ENO4: variants seen among roughly 807,000 people sequenced by gnomAD.
ENO4 encodes 2-phospho-D-glycerate hydro-lyase.
A neutral mutation model predicts 63.2 loss-of-function variants in ENO4; 53 were observed. The ratio of observed to expected loss-of-function variants is 0.84; its 90% CI spans 0.67 to 1.05. The LOEUF is 1.05. Ranked by LOEUF, ENO4 falls within the 50% of genes least tolerant of loss-of-function variation. The pLI is 0.00. For synonymous variants in ENO4, 266 were observed against 283.8 expected (o/e 0.94, Z 0.63); for missense variants, 719 against 772.0 (o/e 0.93, Z 0.81).
chr10:116,856,848 G>T (rs1219024777), intron 3 of ENO4, among the ~76,000 whole-genome samples, 166 bp downstream of exon 3: 1 of 152,140 alleles, frequency 6.6e-6, no homozygotes, highest in African/African-American at 2.4e-5. Context: ...AATTAGCCGG[G>T]CATGGTGGTG....
At chr10:116,895,554 A>C (rs1433797193) in intron 10 of ENO4, among the ~76,000 whole-genome samples, 2 of 152,206 alleles carry the variant, frequency 1.3e-5, no homozygotes, top group African/African-American at 4.8e-5. Context: ...GAATGAGAAA[A>C]GGAAGACATG....
At chr10:116,855,542 A>G (rs1846237441) in intron 1 of ENO4, 81 bp from the exon 2 acceptor site, 1 of 1,496,772 alleles carries the variant, frequency 6.7e-7, no homozygotes, top group Admixed American at 2.0e-5. Flanking sequence ...TTTTGAAGAT[A>G]AAGTAGATAT....
chr10:116,857,516 A>G (rs1416123033), intron 3 of ENO4, among the ~76,000 whole-genome samples: 2 of 152,192 alleles, frequency 1.3e-5, no homozygotes, highest in Non-Finnish European at 2.9e-5. Context: ...GTGCAGGTCC[A>G]ATGCCACAAC....
intron 12 of ENO4, among the ~76,000 whole-genome samples, 171 bp downstream of exon 12, chr10:116,879,529 AG>A (rs1846937777): frequency 6.6e-6 from 1 of 152,232 alleles, no homozygotes; most frequent in African/African-American, 2.4e-5. Context: ...TTTAAAAAGA[AG>A]AAAAATTGAA....
At chr10:116,863,173 G>C (rs1846460100) in intron 7 of ENO4, among the ~76,000 whole-genome samples, 1 of 152,236 alleles carries the variant, frequency 6.6e-6, no homozygotes, top group Non-Finnish European at 1.5e-5. Flanking sequence ...AGAGACTCTT[G>C]TGCCTGCATT....
At chr10:116,905,028 C>T (rs1391874803) in intron 10 of ENO4, among the ~76,000 whole-genome samples, 1 of 150,544 alleles carries the variant, frequency 6.6e-6, no homozygotes, top group East Asian at 1.9e-4. Context: ...GGTGAAACCC[C>T]GTCTCTACTA....
chr10:116,884,610 G>A (rs1377134093), downstream of ENO4: 1 of 181,512 alleles, frequency 5.5e-6, no homozygotes, highest in African/African-American at 2.4e-5. Context: ...TGAGTTGCAT[G>A]CTGGCAGACA....
intron 10 of ENO4, chr10:116,911,403 A>G (rs946561863): frequency 1.3e-6 from 2 of 1,492,336 alleles, no homozygotes; most frequent in Non-Finnish European, 9.0e-7. Context: ...TTAGCTTCAC[A>G]TTTAGGATTC....
chr10:116,901,257 A>G, intron 10 of ENO4: 1 of 985,268 alleles, frequency 1.0e-6, no homozygotes. Flanking sequence ...TCAAAGTGCC[A>G]CTCTGAAGCA....
intron 9 of ENO4, 165 bp from the exon 10 acceptor site, chr10:116,873,911 A>C: frequency 1.0e-6 from 1 of 981,286 alleles, no homozygotes; most frequent in Non-Finnish European, 1.2e-6. Flanking sequence ...AATATTTAAG[A>C]TATTTAAAGT....
intron 10 of ENO4, chr10:116,902,064 A>G (rs1038239066): frequency 4.0e-6 from 4 of 991,240 alleles, no homozygotes; most frequent in South Asian, 1.7e-5. Context: ...GAAAAGGCCA[A>G]GTTTGTTAAA....
At chr10:116,878,397 A>G (rs1163545518) in intron 11 of ENO4, among the ~76,000 whole-genome samples, 1 of 152,190 alleles carries the variant, frequency 6.6e-6, no homozygotes, top group East Asian at 1.9e-4. Context: ...CTGCAGGAAG[A>G]GCTCTGGCTG....
At position 116,852,035 on chromosome 10, in the gene ENO4, G is replaced by A. The variant is rs150481854; in HGVS notation, c.165+2304G>A. The stretch of plus-strand genomic sequence containing the variant: ...CACATATGACATGTGGGGAGGGACC[G>A]GGTGGGAGGTAATTAAATTATGGGG... On this transcript the variant is annotated intron_variant, in intron 1 of 13. Coordinates refer to ENST00000341276, the MANE Select transcript of ENO4 (RefSeq NM_001242699.2). Among the ~76,000 whole-genome samples, 848 of 152,184 alleles carry A rather than the reference G, an allele frequency of 5.6e-3. 5 individuals carry two copies. Among genetic ancestry groups the A allele is most frequent in the Non-Finnish European group, 9.2e-3 (623 of 67,996 alleles).
At chr10:116,894,335 T>C (rs1311460089) in intron 10 of ENO4, among the ~76,000 whole-genome samples, 4 of 152,202 alleles carry the variant, frequency 2.6e-5, no homozygotes, top group East Asian at 1.9e-4. Flanking sequence ...AGTCTTATAA[T>C]TGCCACATGG....
intron 3 of ENO4, among the ~76,000 whole-genome samples, 177 bp downstream of exon 3, chr10:116,856,859 G>A (rs1475919301): frequency 2.6e-5 from 4 of 152,142 alleles, no homozygotes; most frequent in Non-Finnish European, 4.4e-5. Flanking sequence ...CATGGTGGTG[G>A]GCGCCTGTAG....
rs565978466 is a variant in ENO4 at position 116,897,165 on chromosome 10, C to T, written c.1195-14334C>T. Among the ~76,000 whole-genome samples, 112 of 152,238 alleles carry T rather than the reference C, an allele frequency of 7.4e-4. 2 individuals are homozygous for T. The South Asian group carries it at 0.022, about 30-fold the overall frequency. On this transcript the variant is annotated intron_variant, in intron 10 of 10. Coordinates refer to the ENO4 transcript ENST00000369207. ...AAAGGTCTAAATGCATTTGGGGCAA[C>T]AGTGAAGGGCTGCAATGGGTATGTT... is the stretch of plus-strand genomic sequence containing the variant.
chr10:116,908,270 C>A (rs1435382937), intron 10 of ENO4, among the ~76,000 whole-genome samples: 1 of 152,100 alleles, frequency 6.6e-6, no homozygotes, highest in Non-Finnish European at 1.5e-5. Context: ...AGAAGTATCT[C>A]TTTTTATTTT....
chr10:116,886,293 A>G (rs1240252577), downstream of ENO4: 4 of 1,550,940 alleles, frequency 2.6e-6, no homozygotes, highest in Non-Finnish European at 3.5e-6. Context: ...AACACTAATC[A>G]TGTGCTTATT....
Position 116,879,988 on chromosome 10 carries a change from T to C in ENO4, c.1723+2T>C. On this transcript the variant is annotated splice_donor_variant, in intron 13 of 13. Coordinates refer to ENST00000341276, the MANE Select transcript of ENO4 (RefSeq NM_001242699.2). LOFTEE classifies it high-confidence loss of function. ...AACTTGTCCAGAATGGAACACTGGG[T>C]ATGCGCTGCTTTCTTGCTTTGTTTC... 1 of 1,534,640 alleles carries C rather than the reference T, an allele frequency of 6.5e-7. No individual in the cohort carries two copies. Among genetic ancestry groups the C allele is most frequent in the Middle Eastern group, 1.7e-4 (1 of 5,962 alleles).
Sources: allele counts gnomAD v4.1 joint callset (sites outside exome capture counted in the v4.1 genomes callset), GRCh38; gene constraint gnomAD v4.1.1; transcripts MANE v1.5; gene names NCBI Gene and HGNC (gene_info 2026-07-23, HGNC 2026-07-21).